Variants in CNBD1 observed in about 807,000 individuals in gnomAD.
The protein encoded by CNBD1 is cyclic nucleotide binding domain containing 1.
Under a neutral mutation model 54.4 loss-of-function variants are expected in CNBD1, and 71 were observed. That is an observed-to-expected ratio of 1.30 (90% CI 1.08 to 1.59). CNBD1 has a LOEUF of 1.59. CNBD1 is among the 40% of genes most tolerant of loss of function. The pLI is 0.00. For synonymous variants in CNBD1, 182 were observed against 170.7 expected (o/e 1.07, Z -0.51); for missense variants, 659 against 518.0 (o/e 1.27, Z -2.64).
intron 2 of CNBD1, among the ~76,000 whole-genome samples, chr8:87,399,517 G>A (rs10955278): frequency 6.6e-6 from 1 of 151,802 alleles, no homozygotes; most frequent in Non-Finnish European, 1.5e-5. Context: ...TTCAAATCTG[G>A]GCCAGCACTT....
At chr8:87,056,313 C>G (rs1161770059) in intron 4 of CNBD1, among the ~76,000 whole-genome samples, 2 of 152,170 alleles carry the variant, frequency 1.3e-5, no homozygotes, top group Non-Finnish European at 2.9e-5. Flanking sequence ...GAATGGCTGC[C>G]AGGCTCCTAC....
intron 6 of CNBD1, among the ~76,000 whole-genome samples, chr8:87,260,316 C>A (rs1230254014): frequency 6.6e-6 from 1 of 152,110 alleles, no homozygotes; most frequent in East Asian, 1.9e-4. Context: ...AGATGGAGAC[C>A]TCATCAGTTT....
At chr8:86,874,014 G>T (rs372406068) in intron 1 of CNBD1, among the ~76,000 whole-genome samples, 5 of 152,202 alleles carry the variant, frequency 3.3e-5, no homozygotes, top group African/African-American at 4.8e-5. Flanking sequence ...ATTCAAATTT[G>T]GTCAGTTGTT....
At chr8:87,221,440 C>A (rs548546692) in intron 5 of CNBD1, among the ~76,000 whole-genome samples, 1 of 152,200 alleles carries the variant, frequency 6.6e-6, no homozygotes, top group Admixed American at 6.5e-5. Flanking sequence ...CTCCATGTTA[C>A]CTGCTTCTGG....
rs78582380 is a variant in CNBD1, at chr8:87,000,145, A to G, written c.431+60391A>G. ...TTGAATTGTAATCCTAATAATCACC[A>G]TATGCTGAGAGAGGGACCCAGGTTG... On this transcript the variant is annotated intron_variant, in intron 4 of 10. Coordinates refer to ENST00000518476, the MANE Select transcript of CNBD1 (RefSeq NM_173538.3). Among the ~76,000 whole-genome samples the G allele has an allele frequency of 5.7e-3, 860 of 152,168 alleles. 3 individuals carry two copies. The highest frequency in any genetic ancestry group is 0.019 in the African/African-American group (803 of 41,512).
At chr8:87,122,625 T>C (rs1303804700) in intron 4 of CNBD1, among the ~76,000 whole-genome samples, 1 of 151,872 alleles carries the variant, frequency 6.6e-6, no homozygotes, top group Non-Finnish European at 1.5e-5. Context: ...ACCAATGTCA[T>C]TTAGCATTCC....
At chr8:87,375,594 G>A (rs1001628439) in intron 10 of CNBD1, among the ~76,000 whole-genome samples, 2 of 151,664 alleles carry the variant, frequency 1.3e-5, no homozygotes, top group African/African-American at 4.8e-5. Flanking sequence ...GGCTATCATA[G>A]GAACCGAATC....
chr8:87,230,496 T>A (rs1434971553), intron 5 of CNBD1, among the ~76,000 whole-genome samples: 2 of 152,222 alleles, frequency 1.3e-5, no homozygotes, highest in African/African-American at 2.4e-5. Flanking sequence ...TGTATGTTTG[T>A]ATGTGTGTGT....
intron 4 of CNBD1, among the ~76,000 whole-genome samples, chr8:87,128,429 A>G (rs1325859663): frequency 6.6e-6 from 1 of 152,300 alleles, no homozygotes; most frequent in South Asian, 2.1e-4. Context: ...TGAGCAGGGC[A>G]TGGTGGCTGA....
intron 4 of CNBD1, among the ~76,000 whole-genome samples, chr8:87,084,708 C>T (rs1413058011): frequency 3.3e-5 from 5 of 150,412 alleles, no homozygotes; most frequent in Non-Finnish European, 7.4e-5. Flanking sequence ...TGGAGTTTCA[C>T]TCTTGTTGCC....
At chr8:86,966,772 C>T (rs1006957862) in intron 4 of CNBD1, among the ~76,000 whole-genome samples, 26 of 152,180 alleles carry the variant, frequency 1.7e-4, no homozygotes, top group Admixed American at 6.5e-5. Flanking sequence ...TAGTGCAGAC[C>T]GAAAGAGTGA....
chr8:87,363,456 T>C (rs975281702), intron 10 of CNBD1, among the ~76,000 whole-genome samples: 1 of 152,100 alleles, frequency 6.6e-6, no homozygotes, highest in Non-Finnish European at 1.5e-5. Flanking sequence ...TAATTTAGAC[T>C]CCCACCAACA....
At position 87,382,811 on chromosome 8, in the gene CNBD1, T is replaced by C. The variant is rs1811109154; in HGVS notation, c.*184T>C. 2 of 453,132 alleles carry C rather than the reference T, an allele frequency of 4.4e-6. No homozygotes were observed. The highest frequency in any genetic ancestry group is 6.3e-5 in the East Asian group (2 of 31,802). 28.1% of individuals were successfully genotyped at this position (453,132 alleles called of 1,614,324 possible). A position where few individuals can be genotyped will look rare whatever the true frequency, so the allele number is the denominator to read the frequency against. The stretch of plus-strand genomic sequence containing the variant: ...TCAAACACAGTTTTTATTAGCAGTC[T>C]TTCTTGGTTTGGATACTAAAATAAA... On this transcript the variant is annotated 3_prime_UTR_variant, in exon 11 of 11. Transcript: ENST00000518476.
rs117184389 is a variant in CNBD1 at position 86,944,643 on chromosome 8, G to C, written c.431+4889G>C. ...CATAATAATTGGGAAGAAAGTCATT[G>C]TTGTGAAAGTGCATGAGTCAAATGG... On this transcript the variant is annotated intron_variant, in intron 4 of 10. Transcript: ENST00000518476. Among the ~76,000 whole-genome samples, 67 of 152,322 alleles carry C rather than the reference G, an allele frequency of 4.4e-4. 1 individual carries two copies. The East Asian group carries it at 0.012, about 28-fold the overall frequency.
chr8:87,348,097 A>T (rs1810211211), intron 8 of CNBD1, among the ~76,000 whole-genome samples: 1 of 152,174 alleles, frequency 6.6e-6, no homozygotes. Flanking sequence ...TACTTAATAT[A>T]CAAGGGATAT....
chr8:87,354,296 A>G (rs1181282100), intron 10 of CNBD1, among the ~76,000 whole-genome samples: 3 of 152,180 alleles, frequency 2.0e-5, no homozygotes, highest in South Asian at 2.1e-4. Context: ...CCATTGCAGC[A>G]TAAACTATAA....
intron 8 of CNBD1, among the ~76,000 whole-genome samples, chr8:87,309,508 A>G (rs1412149637): frequency 6.6e-6 from 1 of 152,064 alleles, no homozygotes; most frequent in Non-Finnish European, 1.5e-5. Flanking sequence ...CCTTCATATG[A>G]TTTCGGGAAA....
intron 3 of CNBD1, chr8:87,428,628 C>T (rs1009584824): frequency 4.4e-6 from 2 of 451,544 alleles, no homozygotes; most frequent in African/African-American, 4.0e-5. Flanking sequence ...GTAAAATGTT[C>T]AAGTTATAAT....
At position 87,285,661 on chromosome 8, in the gene CNBD1, G is replaced by A. The variant is rs372963411; in HGVS notation, c.909+846G>A. 1.5e-4 allele frequency among the ~76,000 whole-genome samples: 23 copies of A among 152,170 alleles called. 1 individual carries two copies. The highest frequency in any genetic ancestry group is 5.3e-4 in the African/African-American group (22 of 41,538). ...CAAGGCAGGCAGATCAGCTGAGGTC[G>A]AGAGTTCGAGACCAGCCTGACCAAC... is the stretch of plus-strand genomic sequence containing the variant. On this transcript the variant is annotated intron_variant, in intron 7 of 10. Transcript: ENST00000518476.
Sources: allele counts gnomAD v4.1 joint callset (sites outside exome capture counted in the v4.1 genomes callset), GRCh38; gene constraint gnomAD v4.1.1; transcripts MANE v1.5; gene names NCBI Gene and HGNC (gene_info 2026-07-23, HGNC 2026-07-21).